ITGAE: variants seen among roughly 807,000 people sequenced by gnomAD.
ITGAE encodes integrin subunit alpha E.
ITGAE carries 99 observed loss-of-function variants against 136.5 expected under a neutral mutation model. The ratio of observed to expected loss-of-function variants is 0.73; its 90% CI spans 0.62 to 0.86. The LOEUF is 0.86. Ranked by LOEUF, ITGAE falls within the 40% of genes least tolerant of loss-of-function variation. ITGAE has a pLI of 0.00. For synonymous variants in ITGAE, 613 were observed against 591.8 expected (o/e 1.04, Z -0.52); for missense variants, 1,447 against 1,515.3 (o/e 0.95, Z 0.75).
chr17:3,723,163 G>T, intron 28 of ITGAE, 125 bp downstream of exon 28: 7 of 709,582 alleles, frequency 9.9e-6, no homozygotes, highest in Non-Finnish European at 1.7e-5. Context: ...CAGAGGGTTG[G>T]TTTTTTGCAC....
At chr17:3,740,668 G>T (rs760253766) in intron 19 of ITGAE, among the ~76,000 whole-genome samples, 1 of 152,208 alleles carries the variant, frequency 6.6e-6, no homozygotes, top group African/African-American at 2.4e-5. Context: ...GAGCCACCGC[G>T]CCCGGCCTGG....
chr17:3,764,847 T>C (rs1209790261), intron 2 of ITGAE, among the ~76,000 whole-genome samples: 2 of 152,036 alleles, frequency 1.3e-5, no homozygotes, highest in Non-Finnish European at 2.9e-5. Flanking sequence ...AGGGACAGCC[T>C]CAACATTCTC....
At chr17:3,777,786 G>A (rs2052579039) in intron 1 of ITGAE, 126 bp from the exon 2 acceptor site, 18 of 1,111,786 alleles carry the variant, frequency 1.6e-5, no homozygotes, top group Non-Finnish European at 2.1e-5. Flanking sequence ...ATCTTTATGT[G>A]TGTGTGAGAG....
intron 29 of ITGAE, among the ~76,000 whole-genome samples, chr17:3,719,234 T>TAAAAAAAAAAAAAAAAAAAAAAA (rs2050999265): frequency 8.6e-5 from 3 of 34,798 alleles, no homozygotes; most frequent in African/African-American, 3.6e-4. Context: ...AGATTCTTCC[T>TAAAAAAAAAAAAAAAAAAAAAAA]CAAAAAAAAA....
intron 17 of ITGAE, 78 bp from the exon 18 acceptor site, chr17:3,746,005 G>A (rs776021166): frequency 8.5e-5 from 116 of 1,360,616 alleles, no homozygotes; most frequent in Non-Finnish European, 1.1e-4. Flanking sequence ...CCTGCCTGAG[G>A]TTCCTTGTGG....
At chr17:3,771,980 C>CAA (rs2052434904) in intron 2 of ITGAE, among the ~76,000 whole-genome samples, 1 of 151,154 alleles carries the variant, frequency 6.6e-6, no homozygotes, top group Non-Finnish European at 1.5e-5. Context: ...CTAGTTCCTC[C>CAA]AAACCCTCAG....
intron 26 of ITGAE, chr17:3,724,924 G>A (rs753947245): frequency 6.2e-7 from 1 of 1,613,632 alleles, no homozygotes; most frequent in African/African-American, 1.3e-5. Context: ...GGAATAGACA[G>A]GCTGGAGAGA....
chr17:3,730,991 G>T (rs1418867124), intron 23 of ITGAE, 113 bp downstream of exon 23: 3 of 767,390 alleles, frequency 3.9e-6, no homozygotes, highest in African/African-American at 1.7e-5. Context: ...GCTCACTGGG[G>T]TTTCCTTTCT....
intron 23 of ITGAE, among the ~76,000 whole-genome samples, chr17:3,729,831 G>C (rs947226929): frequency 2.0e-5 from 3 of 152,162 alleles, no homozygotes; most frequent in Non-Finnish European, 4.4e-5. Flanking sequence ...CTGACCTCAA[G>C]TGATCTGCCT....
rs551820103 is a variant in ITGAE, at chr17:3,723,802, C to A, written c.3085-58G>T. On this transcript the variant is annotated intron_variant, in intron 26 of 30. Transcript: ENST00000263087. ...ACAAACCAAGCCGCCAGTTTTCCGTCCCGTCCCGGCCCCGGCCCTGGCGAG... is the reference window on the plus strand; with the variant it reads ...ACAAACCAAGCCGCCAGTTTTCCGTACCGTCCCGGCCCCGGCCCTGGCGAG... The A allele has an allele frequency of 4.4e-3, 7,027 of 1,589,102 alleles. 16 individuals carry two copies. Among genetic ancestry groups the A allele is most frequent in the Non-Finnish European group, 5.4e-3 (6,286 of 1,167,446 alleles).
At chr17:3,782,852 G>A (rs2052696790) in intron 1 of ITGAE, among the ~76,000 whole-genome samples, 1 of 152,118 alleles carries the variant, frequency 6.6e-6, no homozygotes, top group Non-Finnish European at 1.5e-5. Flanking sequence ...TATAAGGAAT[G>A]ACATTTGACA....
intron 19 of ITGAE, among the ~76,000 whole-genome samples, chr17:3,740,085 C>T (rs1236239235): frequency 6.6e-6 from 1 of 152,178 alleles, no homozygotes; most frequent in Non-Finnish European, 1.5e-5. Context: ...TGGATCTGTC[C>T]TATAACATGG....
At chr17:3,746,145 C>G (rs969534179) in intron 17 of ITGAE, among the ~76,000 whole-genome samples, 1 of 152,202 alleles carries the variant, frequency 6.6e-6, no homozygotes, top group Non-Finnish European at 1.5e-5. Context: ...GCCCCAAACC[C>G]GGAGCAGCAC....
chr17:3,714,862 G>A lies in ITGAE; in HGVS notation c.3525C>T (p.Leu1175=), dbSNP rs956732831. 4 of 1,605,394 alleles carry A rather than the reference G, an allele frequency of 2.5e-6. No homozygotes were observed. Among genetic ancestry groups the A allele is most frequent in the Admixed American group, 1.7e-5 (1 of 59,952 alleles). ...ATAGCAGGTCCTAATTCTCTTCTTC[G>A]AGCAGATTCTCTGATTTCAGCTGGG... ...RKAQLKSENL[L]EEEN The change falls in exon 31 of 31, where the codon CTC becomes CTT. Residue 1175 remains leucine (L), a synonymous_variant. Transcript: ENST00000263087.
At position 3,758,554 on chromosome 17, in the gene ITGAE, C is replaced by A. The variant is rs190695943; in HGVS notation, c.867-695G>T. Among the ~76,000 whole-genome samples the A allele has an allele frequency of 8.7e-3, 1,327 of 152,172 alleles. 13 individuals carry two copies. Among genetic ancestry groups the A allele is most frequent in the South Asian group, 0.044 (213 of 4,826 alleles). ...GCAACCTCTGCCTCCCGAGTTCAAG[C>A]AATTCTCCCTGCCTCAGCCTCCCGA... On this transcript the variant is annotated intron_variant, in intron 8 of 30. Transcript: ENST00000263087.
intron 26 of ITGAE, chr17:3,724,497 TC>T: frequency 1.2e-6 from 2 of 1,613,952 alleles, no homozygotes; most frequent in Non-Finnish European, 1.7e-6. Context: ...CAGTGTCATC[TC>T]GATCGGCACC....
intron 1 of ITGAE, among the ~76,000 whole-genome samples, chr17:3,792,523 A>C (rs1364282742): frequency 2.0e-5 from 3 of 152,226 alleles, no homozygotes; most frequent in Non-Finnish European, 4.4e-5. Context: ...CTCGCTTAAA[A>C]TAATGGGGCA....
intron 2 of ITGAE, among the ~76,000 whole-genome samples, chr17:3,771,565 A>G (rs1597353552): frequency 7.7e-6 from 1 of 130,390 alleles, no homozygotes; most frequent in African/African-American, 2.9e-5. Flanking sequence ...GGAGAGACAG[A>G]GTTTCATTCT....
At chr17:3,725,806 C>G in intron 26 of ITGAE, 3 of 1,610,644 alleles carry the variant, frequency 1.9e-6, no homozygotes, top group Non-Finnish European at 2.5e-6. Context: ...TCCTTGGCTA[C>G]TGCAAAGAGC....
Sources: gnomAD v4.1 joint callset for allele counts (sites outside exome capture counted in the v4.1 genomes callset) on GRCh38, gnomAD v4.1.1 for gene constraint, MANE v1.5 for transcripts, NCBI Gene and HGNC (gene_info 2026-07-23, HGNC 2026-07-21) for gene names.